LINGO2: variants seen among roughly 807,000 people sequenced by gnomAD.
LINGO2 encodes leucine rich repeat and Ig domain containing 2, also known as leucine-rich repeat and immunoglobulin-like domain-containing nogo receptor-interacting protein 2.
A neutral mutation model predicts 30.6 loss-of-function variants in LINGO2; 14 were observed. The ratio of observed to expected loss-of-function variants is 0.46; its 90% CI spans 0.30 to 0.72. The LOEUF is 0.72. Among genes scored for constraint, LINGO2 ranks in the 30% least tolerant of loss-of-function variants. The pLI, the probability that LINGO2 is intolerant of heterozygous loss-of-function variation, is 0.07. For missense variants in LINGO2, 729 were observed against 751.7 expected, an observed-to-expected ratio of 0.97 and a Z score of 0.35; for synonymous variants, 317 against 288.5, an observed-to-expected ratio of 1.10 and a Z score of -1.00.
At chr9:28,255,421 C>A (rs907760979) in intron 4 of LINGO2, among the ~76,000 whole-genome samples, 1 of 152,136 alleles carries the variant, frequency 6.6e-6, no homozygotes, top group African/African-American at 2.4e-5. Flanking sequence ...AGGCTTGAAA[C>A]CCTGCTCTAC....
chr9:29,059,369 T>A, the LINGO2 span, among the ~76,000 whole-genome samples: 4 of 150,794 alleles, frequency 2.7e-5, no homozygotes, highest in Non-Finnish European at 4.4e-5. Flanking sequence ...TTCCATGTAC[T>A]CCAGAAATAT....
At chr9:28,050,782 G>A (rs187903337) in intron 4 of LINGO2, among the ~76,000 whole-genome samples, 1 of 150,988 alleles carries the variant, frequency 6.6e-6, no homozygotes, top group East Asian at 2.0e-4. Flanking sequence ...AAATATTCAT[G>A]TAATTCATAC....
In LINGO2 at chr9:28,062,482, T is replaced by C. The variant is rs570913525; in HGVS notation, c.-86-50077A>G. Among the ~76,000 whole-genome samples, 5 of 146,570 alleles carry C rather than the reference T, an allele frequency of 3.4e-5. No individual in the cohort carries two copies. In the East Asian group the frequency reaches 9.8e-4, roughly 29 times the overall value. On this transcript the variant is annotated intron_variant, in intron 4 of 5. Transcript: ENST00000379992. ...TATACTACATATTGTATATATACTA[T>C]ATATACATATATACTATACATGTAT...
the LINGO2 span, among the ~76,000 whole-genome samples, chr9:29,199,944 GA>G: frequency 2.9e-4 from 43 of 149,104 alleles, no homozygotes; most frequent in African/African-American, 1.0e-3. Context: ...AGTATTGAGA[GA>G]AAAAAAAAGC....
At chr9:29,073,607 T>C in the LINGO2 span, among the ~76,000 whole-genome samples, 193 of 152,320 alleles carry the variant, frequency 1.3e-3, 1 homozygote, top group Middle Eastern at 0.014. Flanking sequence ...TTATTTATTA[T>C]CTATGACTGC....
At chr9:28,792,878 G>C in the LINGO2 span, among the ~76,000 whole-genome samples, 11 of 152,060 alleles carry the variant, frequency 7.2e-5, no homozygotes, top group Non-Finnish European at 1.5e-4. Context: ...TCTTTCCCCA[G>C]TGAATGCTGG....
At chr9:28,068,324 C>T (rs966846344) in intron 4 of LINGO2, among the ~76,000 whole-genome samples, 1 of 152,070 alleles carries the variant, frequency 6.6e-6, no homozygotes, top group African/African-American at 2.4e-5. Context: ...TATAGGGAGC[C>T]ACCATCTTGC....
chr9:28,364,549 T>A (rs1820585053), intron 3 of LINGO2, among the ~76,000 whole-genome samples: 1 of 152,190 alleles, frequency 6.6e-6, no homozygotes. Context: ...ATCTTCCTTT[T>A]TATTAGCTGT....
At chr9:28,811,370 G>C in the LINGO2 span, among the ~76,000 whole-genome samples, 1 of 152,000 alleles carries the variant, frequency 6.6e-6, no homozygotes, top group African/African-American at 2.4e-5. Context: ...TGGTTCCCTT[G>C]ACTCCATCCA....
chr9:28,916,431 C>T, the LINGO2 span, among the ~76,000 whole-genome samples: 1 of 152,276 alleles, frequency 6.6e-6, no homozygotes, highest in Admixed American at 6.5e-5. Flanking sequence ...AGCCGGCTAC[C>T]TGGAGGCTTC....
At chr9:28,725,377 G>T in the LINGO2 span, among the ~76,000 whole-genome samples, 1 of 151,510 alleles carries the variant, frequency 6.6e-6, no homozygotes, top group South Asian at 2.1e-4. Context: ...TGAAAACCAG[G>T]GAGGAATGCA....
At chr9:28,501,526 A>C (rs1195122006) in intron 1 of LINGO2, among the ~76,000 whole-genome samples, 1 of 152,166 alleles carries the variant, frequency 6.6e-6, no homozygotes, top group Admixed American at 6.6e-5. Flanking sequence ...CTAAAGTGCC[A>C]AAAGTAATTC....
intron 4 of LINGO2, among the ~76,000 whole-genome samples, chr9:28,025,683 T>TA (rs1170007252): frequency 4.6e-5 from 7 of 152,326 alleles, no homozygotes; most frequent in African/African-American, 1.7e-4. Flanking sequence ...CATACTCTAA[T>TA]AACTGCTTTT....
At chr9:28,833,532 T>C in the LINGO2 span, among the ~76,000 whole-genome samples, 6 of 152,196 alleles carry the variant, frequency 3.9e-5, no homozygotes, top group South Asian at 2.1e-4. Flanking sequence ...CATGTCAAAC[T>C]AGTATTTCTA....
chr9:28,684,477 C>G, the LINGO2 span, among the ~76,000 whole-genome samples: 98 of 150,186 alleles, frequency 6.5e-4, no homozygotes, highest in Non-Finnish European at 1.3e-3. Flanking sequence ...GCGTGAGCCA[C>G]CGCGCCCAGC....
the LINGO2 span, among the ~76,000 whole-genome samples, chr9:28,965,128 C>G: frequency 1.3e-5 from 2 of 152,010 alleles, no homozygotes; most frequent in Admixed American, 1.3e-4. Flanking sequence ...TGCATTCCAT[C>G]CTGATAACGA....
chr9:28,590,576 A>G (rs909503218), intron 1 of LINGO2, among the ~76,000 whole-genome samples: 5 of 152,172 alleles, frequency 3.3e-5, no homozygotes, highest in African/African-American at 1.2e-4. Context: ...ATCACTGGCC[A>G]TCAGAGAAAT....
Position 28,097,291 on chromosome 9 carries a change from T to C in LINGO2, c.-86-84886A>G, listed in dbSNP as rs1243436547. On this transcript the variant is annotated intron_variant, in intron 4 of 5. Transcript: ENST00000379992. Reference sequence around the variant, plus strand: ...AGTCAGTGCGGCGATTCCTCAGGGATCTAGAACTAGAAATACCATTTGACC... The same window carrying C: ...AGTCAGTGCGGCGATTCCTCAGGGACCTAGAACTAGAAATACCATTTGACC... 2.6e-5 allele frequency among the ~76,000 whole-genome samples: 4 copies of C among 151,976 alleles called. No individual in the cohort carries two copies. In the East Asian group the frequency reaches 7.8e-4, roughly 30 times the overall value.
intron 5 of LINGO2, among the ~76,000 whole-genome samples, chr9:27,972,843 AT>A: frequency 6.6e-6 from 1 of 152,294 alleles, no homozygotes; most frequent in East Asian, 1.9e-4. Context: ...CATCTAAGAG[AT>A]GCCAGGATAG....
Sources: allele counts gnomAD v4.1 joint callset (sites outside exome capture counted in the v4.1 genomes callset), GRCh38; gene constraint gnomAD v4.1.1; transcripts MANE v1.5; gene names NCBI Gene and HGNC (gene_info 2026-07-23, HGNC 2026-07-21).